The following USP16 variants were observed in gnomAD, a reference collection of about 807,000 sequenced individuals.
USP16 encodes ubiquitin carboxyl-terminal hydrolase 16.
A neutral mutation model predicts 95.9 loss-of-function variants in USP16; 77 were observed. The observed-to-expected ratio is 0.80, with a 90% CI of 0.67 to 0.97. The LOEUF is 0.97. Among genes scored for constraint, USP16 ranks in the 50% least tolerant of loss-of-function variants. USP16 has a pLI of 0.00. For missense variants in USP16, 943 were observed against 959.9 expected (o/e 0.98, Z 0.23); for synonymous variants, 303 against 318.2 (o/e 0.95, Z 0.51).
intron 5 of USP16, 39 bp from the exon 6 acceptor site, chr21:29,037,237 T>A (rs1280692610): frequency 7.7e-7 from 1 of 1,294,716 alleles, no homozygotes; most frequent in African/African-American, 1.5e-5. Context: ...TCGATATGAC[T>A]GTATTACACA....
At chr21:29,034,522 A>G (rs1026052548) in intron 3 of USP16, among the ~76,000 whole-genome samples, 5 of 152,076 alleles carry the variant, frequency 3.3e-5, no homozygotes, top group Non-Finnish European at 1.5e-5. Context: ...CATGTTGGTC[A>G]GGCTGGTCTC....
At position 29,037,341 on chromosome 21, in the gene USP16, C is replaced by G. The variant is rs1568888126; in HGVS notation, c.514C>G (p.Gln172Glu). 6.3e-7 allele frequency: 1 copy of G among 1,595,316 alleles called. No individual in the cohort carries two copies. Among genetic ancestry groups the G allele is most frequent in the Admixed American group, 1.7e-5 (1 of 58,846 alleles). ...KKLEKESKNE[Q>E]EREKKENMAK... The stretch of plus-strand genomic sequence containing the variant: ...ATTAGAAAAAGAGAGTAAGAATGAA[C>G]AAGAGAGAGAAAAGAAGGAAAACAT... The change falls in exon 6 of 18, where the codon CAA (glutamine) becomes GAA (glutamate). Residue 172 changes from glutamine to glutamate, a missense_variant. Coordinates refer to ENST00000399976, the MANE Select transcript of USP16 (RefSeq NM_006447.3).
chr21:29,047,291 C>G lies in USP16; in HGVS notation c.1981C>G (p.Gln661Glu). 1 of 1,612,976 alleles carries G rather than the reference C, an allele frequency of 6.2e-7. No individual in the cohort carries two copies. The highest frequency in any genetic ancestry group is 1.1e-5 in the South Asian group (1 of 90,772). Reference protein sequence around the residue: ...KLLCEVCTRRQCNGPKANIKG... With the variant: ...KLLCEVCTRRECNGPKANIKG... ...GCTTTGTGAAGTATGCACACGGAGA[C>G]AGTGTAATGGACCAAAGGCAAATAT... Residue 661 changes from glutamine (Q) to glutamate (E), a missense_variant, in exon 14 of 18, where the codon CAG (glutamine) becomes GAG (glutamate). Gln to Glu is a conservative substitution (Grantham distance 29). Coordinates refer to ENST00000399976, the MANE Select transcript of USP16 (RefSeq NM_006447.3).
chr21:29,028,800 T>C (rs907988821), intron 2 of USP16, among the ~76,000 whole-genome samples: 3 of 152,228 alleles, frequency 2.0e-5, no homozygotes, highest in Non-Finnish European at 4.4e-5. Flanking sequence ...ATTTCATAAT[T>C]TATTTAGATA....
At chr21:29,054,023 G>C in intron 17 of USP16, 43 bp from the exon 18 acceptor site, 2 of 1,613,668 alleles carry the variant, frequency 1.2e-6, no homozygotes, top group Non-Finnish European at 8.5e-7. Context: ...TAATCAACTT[G>C]AATCTTTCCA....
Position 29,053,975 on chromosome 21 carries a change from A to G in USP16, c.2350+17A>G, listed in dbSNP as rs759381216. The stretch of plus-strand genomic sequence containing the variant: ...TTCCACAAGGTAAGATGTCTTGGAA[A>G]ATTCAGGCACTCAGCAGATTACGGC... On this transcript the variant is annotated intron_variant, in intron 17 of 17. Transcript: ENST00000399976. The G allele has an allele frequency of 1.2e-6, 2 of 1,613,712 alleles. No homozygotes were observed. Among genetic ancestry groups the G allele is most frequent in the South Asian group, 1.1e-5 (1 of 91,068 alleles).
At chr21:29,026,984 G>A (rs960934501) in intron 1 of USP16, among the ~76,000 whole-genome samples, 3 of 152,148 alleles carry the variant, frequency 2.0e-5, no homozygotes, top group African/African-American at 7.2e-5. Flanking sequence ...TTCCGATCAA[G>A]AGAGTGATAT....
At chr21:29,030,860 A>G in intron 3 of USP16, 87 bp downstream of exon 3, 5 of 1,413,116 alleles carry the variant, frequency 3.5e-6, no homozygotes, top group Middle Eastern at 4.9e-4. Context: ...TACAGTATGG[A>G]TAAAAGGATA....
chr21:29,051,638 C>T (rs570762543), intron 16 of USP16, among the ~76,000 whole-genome samples: 3 of 152,300 alleles, frequency 2.0e-5, no homozygotes, highest in African/African-American at 7.2e-5. Flanking sequence ...CGAGACCAGC[C>T]TGGCCAGCAT....
intron 13 of USP16, among the ~76,000 whole-genome samples, 188 bp downstream of exon 13, chr21:29,043,787 G>A (rs1040243138): frequency 4.6e-5 from 7 of 152,106 alleles, no homozygotes; most frequent in African/African-American, 1.2e-4. Context: ...TGAAGAAAAC[G>A]TCGTGCTTCT....
chr21:29,038,914 A>T (rs1430368126), intron 7 of USP16, 112 bp from the exon 8 acceptor site: 1 of 1,112,912 alleles, frequency 9.0e-7, no homozygotes, highest in Non-Finnish European at 1.2e-6. Flanking sequence ...AAACTTTTAA[A>T]TGGGGCAGTT....
chr21:29,041,942 G>A, intron 10 of USP16, 71 bp from the exon 11 acceptor site: 1 of 1,330,750 alleles, frequency 7.5e-7, no homozygotes, highest in Non-Finnish European at 1.1e-6. Flanking sequence ...TAGGTAAGTA[G>A]TTTTAGCTTT....
chr21:29,037,247 A>C (rs781736806), intron 5 of USP16, 29 bp from the exon 6 acceptor site: 2 of 1,413,856 alleles, frequency 1.4e-6, no homozygotes, highest in Non-Finnish European at 1.9e-6. Context: ...TGTATTACAC[A>C]TTTTGCTAAA....
chr21:29,039,545 G>T lies in USP16; in HGVS notation c.928G>T (p.Gly310Trp). 6.2e-7 allele frequency: 1 copy of T among 1,613,048 alleles called. No homozygotes were observed. Among genetic ancestry groups the T allele is most frequent in the South Asian group, 1.1e-5 (1 of 91,030 alleles). The change falls in exon 9 of 18, where the codon GGG (glycine) becomes TGG (tryptophan). Residue 310 changes from glycine to tryptophan, a missense_variant. Physicochemically the swap from Gly to Trp is radical, Grantham distance 184. Coordinates refer to ENST00000399976, the MANE Select transcript of USP16 (RefSeq NM_006447.3). ...GGAGCTGCTTCGCTACTTATTGGAT[G>T]GGATGAGAGCAGAAGAACACCAAGT... ...SQELLRYLLD[G>W]MRAEEHQRVS...
Position 29,036,370 on chromosome 21 carries a change from G to A in USP16, c.444G>A (p.Lys148=). The change falls in exon 5 of 18, where the codon AAG becomes AAA. Residue 148 remains lysine (K), a synonymous_variant. Coordinates refer to ENST00000399976, the MANE Select transcript of USP16 (RefSeq NM_006447.3). ...VRKQASITTP[K]PAEKDNGNIE... ...AACAAGCCAGCATTACAACTCCAAA[G>A]CCAGGTAAAATAATTTGTTTCTTTA... 6.2e-7 allele frequency: 1 copy of A among 1,613,500 alleles called. No individual in the cohort carries two copies. The highest frequency in any genetic ancestry group is 8.5e-7 in the Non-Finnish European group (1 of 1,179,738).
Position 29,042,004 on chromosome 21 carries a change from T to C in USP16, c.1031-9T>C, listed in dbSNP as rs75771109. 4 of 1,610,716 alleles carry C rather than the reference T, an allele frequency of 2.5e-6. No individual in the cohort carries two copies. Among genetic ancestry groups the C allele is most frequent in the East Asian group, 4.5e-5 (2 of 44,790 alleles). On this transcript the variant is annotated splice_polypyrimidine_tract_variant and intron_variant, in intron 10 of 17. Coordinates refer to ENST00000399976, the MANE Select transcript of USP16 (RefSeq NM_006447.3). ...AATTGGTAATTGATAGACTTTTTTT[T>C]CTCCATAGATTATGAGAAGAAAAAA...
At chr21:29,031,038 A>G (rs1427482989) in intron 3 of USP16, among the ~76,000 whole-genome samples, 1 of 152,178 alleles carries the variant, frequency 6.6e-6, no homozygotes, top group East Asian at 1.9e-4. Flanking sequence ...TCCCACAGTG[A>G]TCTCTTGCCT....
intron 1 of USP16, among the ~76,000 whole-genome samples, chr21:29,025,475 T>C (rs1477342112): frequency 6.6e-6 from 1 of 152,230 alleles, no homozygotes; most frequent in Non-Finnish European, 1.5e-5. Flanking sequence ...GAAGTCACAA[T>C]ATGCTCTCCT....
rs373939904 is a variant in USP16 at position 29,037,352 on chromosome 21, A to G, written c.525A>G (p.Glu175=). The G allele has an allele frequency of 6.2e-6, 10 of 1,605,812 alleles. No homozygotes were observed. The highest frequency in any genetic ancestry group is 3.4e-5 in the Admixed American group (2 of 59,444). ...EKESKNEQER[E]KKENMAKENP... ...AGAGTAAGAATGAACAAGAGAGAGA[A>G]AAGAAGGAAAACATGGCTAAAGAGA... is the stretch of plus-strand genomic sequence containing the variant. Residue 175 remains glutamate (E), a synonymous_variant, in exon 6 of 18, where the codon GAA becomes GAG. Transcript: ENST00000399976.
Sources: gnomAD v4.1 joint callset for allele counts (sites outside exome capture counted in the v4.1 genomes callset) on GRCh38, gnomAD v4.1.1 for gene constraint, MANE v1.5 for transcripts, NCBI Gene and HGNC (gene_info 2026-07-23, HGNC 2026-07-21) for gene names.